The following AUTS2 variants were observed in gnomAD, a reference collection of about 807,000 sequenced individuals.
The protein encoded by AUTS2 is activator of transcription and developmental regulator AUTS2.
Under a neutral mutation model 112.4 loss-of-function variants are expected in AUTS2, and 17 were observed. That is an observed-to-expected ratio of 0.15 (90% CI 0.10 to 0.23). The LOEUF is 0.23. AUTS2 is among the 10% of genes least tolerant of loss of function. The pLI, the probability that AUTS2 is intolerant of heterozygous loss-of-function variation, is 1.00. For missense variants in AUTS2, 1,510 were observed against 1,701.6 expected (o/e 0.89, Z 1.98); for synonymous variants, 751 against 702.7 (o/e 1.07, Z -1.09).
intron 4 of AUTS2, among the ~76,000 whole-genome samples, chr7:70,158,960 T>C (rs1186343880): frequency 6.6e-6 from 1 of 152,190 alleles, no homozygotes; most frequent in East Asian, 1.9e-4. Context: ...TGAAGGCATG[T>C]TACATATTTG....
chr7:69,880,084 T>C (rs1793976660), intron 1 of AUTS2, among the ~76,000 whole-genome samples: 1 of 152,072 alleles, frequency 6.6e-6, no homozygotes, highest in African/African-American at 2.4e-5. Flanking sequence ...AGAAGCATGG[T>C]TGGGGAGGCT....
chr7:70,254,642 T>C (rs569389181), intron 4 of AUTS2, among the ~76,000 whole-genome samples: 3 of 152,230 alleles, frequency 2.0e-5, no homozygotes, highest in Non-Finnish European at 2.9e-5. Context: ...CTACTGTTTC[T>C]ATAAAACTTT....
intron 4 of AUTS2, among the ~76,000 whole-genome samples, chr7:70,272,456 G>A (rs895939259): frequency 6.6e-6 from 1 of 152,114 alleles, no homozygotes; most frequent in Non-Finnish European, 1.5e-5. Flanking sequence ...TCCTGATGGG[G>A]TATGTCATAC....
At chr7:69,643,322 C>T (rs1794876156) in intron 1 of AUTS2, 2 of 153,666 alleles carry the variant, frequency 1.3e-5, no homozygotes, top group Admixed American at 1.3e-4. Context: ...AGGTCCCTCC[C>T]ACGCTCAAGG....
At chr7:69,753,663 A>G (rs1261981945) in intron 1 of AUTS2, among the ~76,000 whole-genome samples, 5 of 152,228 alleles carry the variant, frequency 3.3e-5, no homozygotes, top group East Asian at 3.8e-4. Context: ...TGGTATTTTC[A>G]TCATCTTGAG....
intron 2 of AUTS2, among the ~76,000 whole-genome samples, chr7:70,026,546 A>G (rs2129555922): frequency 6.6e-6 from 1 of 152,178 alleles, no homozygotes; most frequent in East Asian, 1.9e-4. Flanking sequence ...GAACGATTTG[A>G]ATGTTTGTGG....
chr7:69,848,274 A>C (rs1489563058), intron 1 of AUTS2, among the ~76,000 whole-genome samples: 3 of 152,168 alleles, frequency 2.0e-5, no homozygotes, highest in Non-Finnish European at 2.9e-5. Context: ...CCCCATTAAG[A>C]GGTTGTAAAT....
intron 1 of AUTS2, among the ~76,000 whole-genome samples, chr7:69,789,590 C>T (rs982660279): frequency 6.6e-6 from 1 of 152,158 alleles, no homozygotes; most frequent in Non-Finnish European, 1.5e-5. Context: ...AACCAAAGTA[C>T]TTGTTAAGCA....
intron 2 of AUTS2, among the ~76,000 whole-genome samples, chr7:70,087,253 G>A (rs1260036429): frequency 6.9e-6 from 1 of 145,500 alleles, no homozygotes; most frequent in Non-Finnish European, 1.5e-5. Flanking sequence ...AGTTTAATAT[G>A]GCAAATTTAA....
chr7:70,300,242 A>AAAT (rs1208409924), intron 4 of AUTS2, among the ~76,000 whole-genome samples: 4 of 152,198 alleles, frequency 2.6e-5, no homozygotes, highest in Non-Finnish European at 4.4e-5. Context: ...TGAGCTAGAA[A>AAAT]AATAATAATA....
At chr7:70,638,810 ACTGCAT>A (rs1805657534) in intron 5 of AUTS2, among the ~76,000 whole-genome samples, 1 of 152,212 alleles carries the variant, frequency 6.6e-6, no homozygotes, top group Non-Finnish European at 1.5e-5. Flanking sequence ...TGGAAAACAA[ACTGCAT>A]CACAATGGCT....
intron 1 of AUTS2, among the ~76,000 whole-genome samples, chr7:69,741,965 A>T (rs1051496939): frequency 1.1e-4 from 16 of 151,954 alleles, no homozygotes; most frequent in Non-Finnish European, 2.9e-5. Flanking sequence ...TGGCTAATTT[A>T]AAAAATTTCT....
chr7:69,814,097 G>A (rs1486477752), intron 1 of AUTS2, among the ~76,000 whole-genome samples: 1 of 152,138 alleles, frequency 6.6e-6, no homozygotes, highest in Non-Finnish European at 1.5e-5. Flanking sequence ...GGCTCTCCTT[G>A]CCAAGAAAAA....
intron 5 of AUTS2, among the ~76,000 whole-genome samples, chr7:70,661,715 C>T (rs1299422476): frequency 3.3e-5 from 5 of 151,828 alleles, no homozygotes; most frequent in Admixed American, 2.6e-4. Context: ...ATCTGTAGAT[C>T]TGTAGATCGA....
intron 5 of AUTS2, among the ~76,000 whole-genome samples, chr7:70,504,493 C>T (rs1585227994): frequency 6.6e-6 from 1 of 152,056 alleles, no homozygotes; most frequent in East Asian, 1.9e-4. Context: ...AGATTATGGG[C>T]AGAGAGGACT....
chr7:69,976,202 G>A (rs904122031), intron 2 of AUTS2, among the ~76,000 whole-genome samples: 16 of 152,102 alleles, frequency 1.1e-4, no homozygotes, highest in African/African-American at 3.9e-4. Flanking sequence ...TCTACTTTCT[G>A]TTTCTCTGAA....
At chr7:70,452,189 A>G (rs191295518) in intron 5 of AUTS2, among the ~76,000 whole-genome samples, 2 of 152,266 alleles carry the variant, frequency 1.3e-5, no homozygotes, top group East Asian at 3.9e-4. Context: ...ATGGCCCATA[A>G]TAGTAACTAC....
intron 5 of AUTS2, among the ~76,000 whole-genome samples, chr7:70,489,631 A>G (rs1480360808): frequency 6.6e-6 from 1 of 152,256 alleles, no homozygotes; most frequent in Non-Finnish European, 1.5e-5. Context: ...TAGAAAATGC[A>G]CAGGAGGACA....
intron 4 of AUTS2, among the ~76,000 whole-genome samples, chr7:70,165,868 C>T (rs749018735): frequency 1.6e-4 from 24 of 152,308 alleles, no homozygotes; most frequent in Non-Finnish European, 3.1e-4. Context: ...ACCCAAATCT[C>T]ATTTCAAATT....
Sources: gnomAD v4.1 joint callset for allele counts (sites outside exome capture counted in the v4.1 genomes callset) on GRCh38, gnomAD v4.1.1 for gene constraint, MANE v1.5 for transcripts, NCBI Gene and HGNC (gene_info 2026-07-23, HGNC 2026-07-21) for gene names.